The following ZDHHC14 variants were observed in gnomAD, a reference collection of about 807,000 sequenced individuals.
ZDHHC14 encodes the protein zDHHC palmitoyltransferase 14.
ZDHHC14 carries 16 observed loss-of-function variants against 47.7 expected under a neutral mutation model. The observed-to-expected ratio is 0.34, with a 90% confidence interval of 0.23 to 0.51. The LOEUF (loss-of-function observed/expected upper bound fraction) is 0.51, where lower values mean the gene tolerates loss of function less well. Among genes scored for constraint, ZDHHC14 ranks in the 20% least tolerant of loss-of-function variants. The pLI, the probability that ZDHHC14 is intolerant of heterozygous loss-of-function variation, is 0.97. For synonymous variants in ZDHHC14, 293 were observed against 278.9 expected (o/e 1.05, Z -0.50); for missense variants, 515 against 662.5 (o/e 0.78, Z 2.44).
chr6:157,614,362 A>G (rs950763422), intron 3 of ZDHHC14, among the ~76,000 whole-genome samples: 5 of 145,196 alleles, frequency 3.4e-5, no homozygotes, highest in Admixed American at 3.4e-4. Flanking sequence ...TAGCTGACTG[A>G]TTTTTTTTTT....
rs367739310 is a variant in ZDHHC14, at chr6:157,445,871, A to G, written c.245+63605A>G. Reference sequence around the variant, plus strand: ...TAGTAGTTATGAAACCGAGGCATCAACTTAATATCCTTCTCCCAGCAAATT... The same window carrying G: ...TAGTAGTTATGAAACCGAGGCATCAGCTTAATATCCTTCTCCCAGCAAATT... On this transcript the variant is annotated intron_variant, in intron 1 of 8. Coordinates refer to ENST00000359775, the MANE Select transcript of ZDHHC14 (RefSeq NM_024630.3). 9.9e-5 allele frequency among the ~76,000 whole-genome samples: 15 copies of G among 152,278 alleles called. No individual in the cohort carries two copies. In the South Asian group the frequency reaches 3.1e-3, roughly 32 times the overall value.
chr6:157,521,326 G>A (rs1408566097), intron 1 of ZDHHC14, among the ~76,000 whole-genome samples: 2 of 152,212 alleles, frequency 1.3e-5, no homozygotes, highest in Admixed American at 1.3e-4. Flanking sequence ...AAGCAGCCTT[G>A]AGTGAGGGAC....
chr6:157,475,513 T>G (rs1415938662), intron 1 of ZDHHC14, among the ~76,000 whole-genome samples: 1 of 152,184 alleles, frequency 6.6e-6, no homozygotes, highest in Non-Finnish European at 1.5e-5. Flanking sequence ...ATTTTTACAT[T>G]TATTCATGTC....
At chr6:157,405,811 A>G (rs946858357) in intron 1 of ZDHHC14, among the ~76,000 whole-genome samples, 1 of 152,182 alleles carries the variant, frequency 6.6e-6, no homozygotes, top group Non-Finnish European at 1.5e-5. Context: ...GACTGGCCTT[A>G]AAAATAAAGT....
intron 2 of ZDHHC14, among the ~76,000 whole-genome samples, chr6:157,575,893 C>G (rs936657492): frequency 6.6e-6 from 1 of 152,246 alleles, no homozygotes; most frequent in Non-Finnish European, 1.5e-5. Context: ...AAAAGGCAAA[C>G]TGGGCTGGAA....
intron 1 of ZDHHC14, among the ~76,000 whole-genome samples, chr6:157,513,968 G>C (rs879876091): frequency 2.6e-5 from 4 of 152,048 alleles, no homozygotes; most frequent in Non-Finnish European, 5.9e-5. Flanking sequence ...GTGGCCTTCA[G>C]ACCCTGGTCC....
At chr6:157,493,958 C>T (rs1779993326) in intron 1 of ZDHHC14, among the ~76,000 whole-genome samples, 1 of 152,222 alleles carries the variant, frequency 6.6e-6, no homozygotes, top group South Asian at 2.1e-4. Flanking sequence ...GATATCAAAC[C>T]TTTAATGCCT....
chr6:157,432,504 C>A (rs1190169838), intron 1 of ZDHHC14, among the ~76,000 whole-genome samples: 1 of 152,190 alleles, frequency 6.6e-6, no homozygotes, highest in Non-Finnish European at 1.5e-5. Flanking sequence ...TGGAAGAGGT[C>A]ATAAGTCAAC....
At chr6:157,572,312 G>A (rs990447012) in intron 2 of ZDHHC14, among the ~76,000 whole-genome samples, 4 of 151,994 alleles carry the variant, frequency 2.6e-5, no homozygotes, top group Non-Finnish European at 5.9e-5. Flanking sequence ...GATTTCCCCC[G>A]GGAGGCAAAT....
chr6:157,482,547 C>T (rs1428466367), intron 1 of ZDHHC14, among the ~76,000 whole-genome samples: 1 of 151,994 alleles, frequency 6.6e-6, no homozygotes, highest in African/African-American at 2.4e-5. Context: ...AGCCACCACG[C>T]CTGGCTCCAA....
chr6:157,607,049 C>T (rs1348439696), intron 3 of ZDHHC14, among the ~76,000 whole-genome samples: 5 of 84,668 alleles, frequency 5.9e-5, no homozygotes, highest in African/African-American at 2.3e-4. Context: ...TTAGCATATT[C>T]GAAGTATGTA....
chr6:157,586,674 CG>C lies in ZDHHC14; in HGVS notation c.407-6312del, dbSNP rs1342275046. On this transcript the variant is annotated intron_variant, in intron 2 of 8. Transcript: ENST00000359775. The surrounding 1 kb of genome is among the most constrained non-coding windows in gnomAD (Gnocchi z 4.6). ...CAGCAGAGCCCTCCCAGGACCCCAG[CG>C]GCCCTCGGCAACCCCTGGTGCAGCA... Among the ~76,000 whole-genome samples, 20 of 150,848 alleles carry C rather than the reference CG, an allele frequency of 1.3e-4. No homozygotes were observed. Among genetic ancestry groups the C allele is most frequent in the Non-Finnish European group, 2.1e-4 (14 of 67,636 alleles).
At chr6:157,405,203 C>T (rs1007023241) in intron 1 of ZDHHC14, among the ~76,000 whole-genome samples, 8 of 152,084 alleles carry the variant, frequency 5.3e-5, no homozygotes, top group Admixed American at 1.3e-4. Flanking sequence ...TTTTTTGCAC[C>T]GCCAAAAGAT....
chr6:157,616,642 C>T (rs1784975463), intron 3 of ZDHHC14, among the ~76,000 whole-genome samples: 1 of 152,166 alleles, frequency 6.6e-6, no homozygotes, highest in African/African-American at 2.4e-5. Flanking sequence ...ACTGAAGGGA[C>T]AGAGGGATTG....
At chr6:157,579,192 T>TG (rs1417459001) in intron 2 of ZDHHC14, among the ~76,000 whole-genome samples, 1,536 of 102,594 alleles carry the variant, frequency 0.015, 55 homozygotes, top group African/African-American at 0.055. Context: ...GATTCTGTGT[T>TG]TTTTTTTTTT....
At chr6:157,517,684 A>G (rs1780747269) in intron 1 of ZDHHC14, among the ~76,000 whole-genome samples, 1 of 151,608 alleles carries the variant, frequency 6.6e-6, no homozygotes. Flanking sequence ...GCGACTCCTG[A>G]CCCTGAACTA....
At chr6:157,627,122 C>T (rs1020671483) in intron 3 of ZDHHC14, among the ~76,000 whole-genome samples, 9 of 152,202 alleles carry the variant, frequency 5.9e-5, no homozygotes, top group Admixed American at 3.9e-4. Flanking sequence ...CACTATCATT[C>T]AGGTGTCCTC....
chr6:157,575,012 C>T (rs965071490), intron 2 of ZDHHC14, among the ~76,000 whole-genome samples: 1 of 152,248 alleles, frequency 6.6e-6, no homozygotes, highest in African/African-American at 2.4e-5. Flanking sequence ...TGGCTTGTTC[C>T]GATTATGGGG....
At position 157,579,725 on chromosome 6, in the gene ZDHHC14, A is replaced by G. The variant is rs1159973509; in HGVS notation, c.407-13263A>G. ...GTGTATAGGAATGCTACTGATTTCC[A>G]TACATTAATTTTATATCCTGAAACT... On this transcript the variant is annotated intron_variant, in intron 2 of 8. Transcript: ENST00000359775. 3.3e-5 allele frequency among the ~76,000 whole-genome samples: 5 copies of G among 152,124 alleles called. No individual in the cohort carries two copies. In the South Asian group the frequency reaches 8.3e-4, roughly 25 times the overall value.
Sources: gnomAD v4.1 joint callset for allele counts (sites outside exome capture counted in the v4.1 genomes callset) on GRCh38, gnomAD v4.1.1 for gene constraint, Gnocchi (gnomAD v3.1) non-coding constraint, MANE v1.5 for transcripts, NCBI Gene and HGNC (gene_info 2026-07-23, HGNC 2026-07-21) for gene names.